SYN3: variants seen among roughly 807,000 people sequenced by gnomAD.
SYN3 encodes synapsin III.
SYN3 carries 35 observed loss-of-function variants against 65.8 expected under a neutral mutation model. That is an observed-to-expected ratio of 0.53 (90% confidence interval 0.41 to 0.70). SYN3 has a LOEUF of 0.70. Among genes scored for constraint, SYN3 ranks in the 30% least tolerant of loss-of-function variants. The pLI, the probability that SYN3 is intolerant of heterozygous loss-of-function variation, is 0.00. For synonymous variants in SYN3, 270 were observed against 292.9 expected (o/e 0.92, Z 0.80); for missense variants, 680 against 749.0 (o/e 0.91, Z 1.08).
At chr22:32,964,968 T>C (rs1373506398) in intron 3 of SYN3, among the ~76,000 whole-genome samples, 1 of 152,122 alleles carries the variant, frequency 6.6e-6, no homozygotes, top group Non-Finnish European at 1.5e-5. Context: ...AGCAAGAAAC[T>C]GCACCTCGAT....
At chr22:32,947,672 G>T (rs890853055) in intron 3 of SYN3, 2 of 152,412 alleles carry the variant, frequency 1.3e-5, no homozygotes, top group Admixed American at 1.3e-4. Context: ...GGCAAAGGTT[G>T]CTGGGAGACC....
chr22:32,881,857 A>G (rs144314507), intron 4 of SYN3, among the ~76,000 whole-genome samples: 2,272 of 152,170 alleles, frequency 0.015, 26 homozygotes, highest in Middle Eastern at 0.034. Flanking sequence ...GGAGTTCGAG[A>G]CCAGCCTGGC....
chr22:32,902,578 C>T (rs2049790904), intron 4 of SYN3, among the ~76,000 whole-genome samples: 1 of 152,202 alleles, frequency 6.6e-6, no homozygotes, highest in African/African-American at 2.4e-5. Flanking sequence ...TTGTACCTTG[C>T]TTATGATCAC....
At chr22:32,992,596 T>A (rs2052751706) in intron 2 of SYN3, among the ~76,000 whole-genome samples, 1 of 152,268 alleles carries the variant, frequency 6.6e-6, no homozygotes, top group Non-Finnish European at 1.5e-5. Flanking sequence ...TTGGATCACC[T>A]GAGGTCAGGA....
rs150258822 is a variant in SYN3, at chr22:32,623,070, G to A, written c.712-26334C>T. The stretch of plus-strand genomic sequence containing the variant: ...TCTACCACAACAGATTAGCCAAACA[G>A]CTATTTAAAAAAGGGATCAGACTTT... On this transcript the variant is annotated intron_variant, in intron 6 of 13. Transcript: ENST00000358763. Among the ~76,000 whole-genome samples the A allele has an allele frequency of 4.5e-3, 680 of 152,126 alleles. 3 individuals carry two copies. The highest frequency in any genetic ancestry group is 0.017 in the South Asian group (80 of 4,816).
intron 7 of SYN3, among the ~76,000 whole-genome samples, chr22:32,587,367 G>T (rs1469198293): frequency 6.6e-6 from 1 of 151,766 alleles, no homozygotes; most frequent in Non-Finnish European, 1.5e-5. Context: ...GGGGGGGAGG[G>T]TCCCTCACGG....
Position 32,580,060 on chromosome 22 carries a change from C to T in SYN3, c.774+16614G>A, listed in dbSNP as rs114386187. ...GCAAAGGACAGGGCTTTCCGCTGTCCAGGGCCCTGGCCTAGGCGGGGAGGG... is the reference window on the plus strand; with the variant it reads ...GCAAAGGACAGGGCTTTCCGCTGTCTAGGGCCCTGGCCTAGGCGGGGAGGG... On this transcript the variant is annotated intron_variant, in intron 7 of 13. Transcript: ENST00000358763. Among the ~76,000 whole-genome samples the T allele has an allele frequency of 9.3e-3, 1,419 of 152,330 alleles. 20 individuals are homozygous for T. The highest frequency in any genetic ancestry group is 0.032 in the African/African-American group (1,327 of 41,572).
At chr22:32,678,070 A>G (rs1393503509) in intron 6 of SYN3, among the ~76,000 whole-genome samples, 1 of 152,176 alleles carries the variant, frequency 6.6e-6, no homozygotes, top group Non-Finnish European at 1.5e-5. Flanking sequence ...GCTGAATAGT[A>G]GGTGTGGTTG....
intron 4 of SYN3, among the ~76,000 whole-genome samples, chr22:32,903,727 C>A (rs2049827190): frequency 6.6e-6 from 1 of 152,238 alleles, no homozygotes; most frequent in South Asian, 2.1e-4. Flanking sequence ...ATGTCTCAGG[C>A]TTCAGATAAA....
At chr22:32,863,932 G>T (rs777743418) in intron 6 of SYN3, among the ~76,000 whole-genome samples, 1 of 152,122 alleles carries the variant, frequency 6.6e-6, no homozygotes, top group African/African-American at 2.4e-5. Context: ...GGTTTCACAT[G>T]TGCCCTTCTT....
intron 6 of SYN3, chr22:32,783,061 A>C (rs1200002709): frequency 6.6e-6 from 1 of 152,220 alleles, no homozygotes; most frequent in Non-Finnish European, 1.5e-5. Flanking sequence ...GAAGCCAGGT[A>C]CTTAATCTTA....
intron 7 of SYN3, chr22:32,583,170 C>G (rs1198249202): frequency 1.3e-5 from 2 of 152,344 alleles, no homozygotes; most frequent in African/African-American, 4.8e-5. Flanking sequence ...CTACCCCCAA[C>G]ACATGGACAG....
intron 3 of SYN3, among the ~76,000 whole-genome samples, chr22:32,937,284 T>C (rs904039735): frequency 2.0e-5 from 3 of 152,102 alleles, no homozygotes; most frequent in African/African-American, 4.8e-5. Flanking sequence ...AAATTAAAAA[T>C]GAAACTTGTA....
intron 3 of SYN3, among the ~76,000 whole-genome samples, chr22:32,955,017 C>T (rs1285017311): frequency 1.3e-5 from 2 of 149,852 alleles, no homozygotes; most frequent in Non-Finnish European, 1.5e-5. Context: ...GGCACTCAGA[C>T]TTCCTTTTCT....
At chr22:32,722,210 T>C (rs918920447) in intron 6 of SYN3, among the ~76,000 whole-genome samples, 1 of 152,106 alleles carries the variant, frequency 6.6e-6, no homozygotes, top group Non-Finnish European at 1.5e-5. Flanking sequence ...TTTGGTTGTG[T>C]CAAGGGGAGG....
chr22:32,705,335 T>C (rs951613956), intron 6 of SYN3, among the ~76,000 whole-genome samples: 1 of 152,218 alleles, frequency 6.6e-6, no homozygotes, highest in Non-Finnish European at 1.5e-5. Context: ...TGCTTGTTTT[T>C]GTTGACTTTA....
chr22:32,756,628 C>T (rs117232724), intron 6 of SYN3, among the ~76,000 whole-genome samples: 215 of 152,234 alleles, frequency 1.4e-3, no homozygotes, highest in Non-Finnish European at 2.5e-3. Context: ...TGGTTTGGTG[C>T]TGTCCTCAGT....
intron 6 of SYN3, among the ~76,000 whole-genome samples, chr22:32,832,178 C>T (rs2047592760): frequency 6.6e-6 from 1 of 152,194 alleles, no homozygotes; most frequent in South Asian, 2.1e-4. Flanking sequence ...GAAGAGGCAG[C>T]TGAAGCATCC....
In SYN3 at chr22:32,509,392, C is replaced by A. The variant is rs893550452; in HGVS notation, c.*4300G>T. ...TTAGAGTCTATACAGCATGACTCCCCTCTCCCTCCTTTTTGCCCTTTCCCA... is the reference window on the plus strand; with the variant it reads ...TTAGAGTCTATACAGCATGACTCCCATCTCCCTCCTTTTTGCCCTTTCCCA... On this transcript the variant is annotated 3_prime_UTR_variant, in exon 14 of 14. Coordinates refer to ENST00000358763, the MANE Select transcript of SYN3 (RefSeq NM_003490.4). Among the ~76,000 whole-genome samples the A allele has an allele frequency of 6.6e-6, 1 of 152,052 alleles. No homozygotes were observed. Among genetic ancestry groups the A allele is most frequent in the Non-Finnish European group, 1.5e-5 (1 of 68,012 alleles).
Sources: allele counts gnomAD v4.1 joint callset (sites outside exome capture counted in the v4.1 genomes callset), GRCh38; gene constraint gnomAD v4.1.1; transcripts MANE v1.5; gene names NCBI Gene and HGNC (gene_info 2026-07-23, HGNC 2026-07-21).